The following SPHKAP variants were observed in gnomAD, a reference collection of about 807,000 sequenced individuals.
SPHKAP encodes the protein SPHK1 interactor, AKAP domain containing.
In SPHKAP, 67 loss-of-function variants were observed where a neutral mutation model predicts 137.5. The ratio of observed to expected loss-of-function variants is 0.49; its 90% CI spans 0.40 to 0.60. SPHKAP has a LOEUF of 0.60. Ranked by LOEUF, SPHKAP falls within the 20% of genes least tolerant of loss-of-function variation. SPHKAP has a pLI of 0.00. For missense variants in SPHKAP, 2,097 were observed against 2,069.3 expected (o/e 1.01, Z -0.26); for synonymous variants, 813 against 785.3 (o/e 1.04, Z -0.59).
chr2:228,139,614 T>C (rs923224269), intron 1 of SPHKAP, among the ~76,000 whole-genome samples: 1 of 152,176 alleles, frequency 6.6e-6, no homozygotes, highest in African/African-American at 2.4e-5. Flanking sequence ...ATCTCAGGCT[T>C]TCCCAAGACC....
chr2:227,991,048 C>A lies in SPHKAP; in HGVS notation c.4911G>T (p.Gly1637=), dbSNP rs777884499. ...ATTTCTTAAAGTAGATGGTGGGAAT[C>A]CCCAGTTCAGAGGCAGCTATCCACT... ...TLQWIAASEL[G]IPTIYFKKSQ... is the part of the protein sequence containing the mutation. The change falls in exon 11 of 12, where the codon GGG becomes GGT. Residue 1637 remains glycine, a synonymous_variant. Coordinates refer to ENST00000392056, the MANE Select transcript of SPHKAP (RefSeq NM_001142644.2). The A allele has an allele frequency of 1.8e-5, 29 of 1,614,000 alleles. No individual in the cohort carries two copies. The South Asian group carries it at 3.0e-4, about 16-fold the overall frequency.
chr2:228,005,581 A>G (rs918553600), intron 7 of SPHKAP, among the ~76,000 whole-genome samples: 5 of 152,098 alleles, frequency 3.3e-5, no homozygotes, highest in East Asian at 3.9e-4. Context: ...TGGGATTTTG[A>G]TCATGTCTTT....
At chr2:228,082,192 A>G (rs1250913694) in intron 3 of SPHKAP, among the ~76,000 whole-genome samples, 1 of 152,170 alleles carries the variant, frequency 6.6e-6, no homozygotes, top group Non-Finnish European at 1.5e-5. Flanking sequence ...TGAAATCATA[A>G]GATTTCATTT....
At chr2:228,079,411 G>T (rs758498036) in intron 3 of SPHKAP, among the ~76,000 whole-genome samples, 1 of 152,084 alleles carries the variant, frequency 6.6e-6, no homozygotes, top group African/African-American at 2.4e-5. Context: ...CTAGGCTGGC[G>T]CCTATGGCCC....
chr2:228,082,989 ACT>A (rs1697411800), intron 3 of SPHKAP, among the ~76,000 whole-genome samples: 1 of 152,072 alleles, frequency 6.6e-6, no homozygotes, highest in African/African-American at 2.4e-5. Context: ...CTCTGTGTTC[ACT>A]CTGCCTCTGT....
At position 227,980,741 on chromosome 2, in the gene SPHKAP, A is replaced by G. The variant is rs1261326085; in HGVS notation, c.*976T>C. 6.6e-6 allele frequency: 1 copy of G among 152,126 alleles called. No individual in the cohort carries two copies. The highest frequency in any genetic ancestry group is 1.5e-5 in the Non-Finnish European group (1 of 67,986). 9.4% of individuals were successfully genotyped at this position (152,126 alleles called of 1,614,324 possible). A position where few individuals can be genotyped will look rare whatever the true frequency, so the allele number is the denominator to read the frequency against. ...GCGGCATGTCTGCTGTACAGGTAGC[A>G]GCACATACGTGATGAAACAGGCCAC... On this transcript the variant is annotated 3_prime_UTR_variant, in exon 12 of 12. Coordinates refer to ENST00000392056, the MANE Select transcript of SPHKAP (RefSeq NM_001142644.2).
intron 1 of SPHKAP, among the ~76,000 whole-genome samples, chr2:228,179,506 T>G (rs994875502): frequency 2.0e-5 from 3 of 152,196 alleles, no homozygotes; most frequent in African/African-American, 4.8e-5. Context: ...AATCAACTCA[T>G]GTACAGGAGT....
At chr2:228,030,457 G>C (rs1695245675) in intron 3 of SPHKAP, among the ~76,000 whole-genome samples, 1 of 130,290 alleles carries the variant, frequency 7.7e-6, no homozygotes, top group African/African-American at 3.0e-5. Context: ...GAGGTTGCAA[G>C]TGAGCCAAGA....
At chr2:228,027,441 T>G in intron 4 of SPHKAP, 43 bp downstream of exon 4, 1 of 1,594,296 alleles carries the variant, frequency 6.3e-7, no homozygotes, top group Non-Finnish European at 8.6e-7. Flanking sequence ...AGTTGAATAG[T>G]CCTTGTAATG....
At chr2:228,022,069 G>C in intron 5 of SPHKAP, 103 bp from the exon 6 acceptor site, 1 of 1,370,902 alleles carries the variant, frequency 7.3e-7, no homozygotes, top group Non-Finnish European at 9.5e-7. Flanking sequence ...AATAGGAGTG[G>C]GGACCTTTAA....
At chr2:228,058,329 G>T (rs4438469) in intron 3 of SPHKAP, among the ~76,000 whole-genome samples, 101,927 of 152,088 alleles carry the variant, frequency 0.67, 34,474 homozygotes, top group African/African-American at 0.78. Context: ...TAGGTTACAT[G>T]TAGTATTTTT....
intron 3 of SPHKAP, among the ~76,000 whole-genome samples, chr2:228,057,451 A>G (rs1422757266): frequency 6.6e-6 from 1 of 152,182 alleles, no homozygotes; most frequent in Admixed American, 6.5e-5. Flanking sequence ...CTGAATGCCT[A>G]TGAGAGCAAT....
rs368466253 is a variant in SPHKAP, at chr2:228,030,543, C to A, written c.247-3000G>T. 8.8e-3 allele frequency among the ~76,000 whole-genome samples: 683 copies of A among 77,310 alleles called. 2 individuals are homozygous for A. Among genetic ancestry groups the A allele is most frequent in the Middle Eastern group, 0.02 (2 of 100 alleles). The allele number at this position is 77,310 out of a possible 152,430, so 50.7% of individuals were successfully genotyped here. ...AAAAAAAAAAAAAAACAACAAAAAA[C>A]AAAAAAAAAAAAATAAAAAAATTAA... On this transcript the variant is annotated intron_variant, in intron 3 of 11. Transcript: ENST00000392056.
chr2:227,999,871 A>G (rs1416065260), intron 7 of SPHKAP, among the ~76,000 whole-genome samples: 1 of 152,246 alleles, frequency 6.6e-6, no homozygotes, highest in African/African-American at 2.4e-5. Flanking sequence ...ACAGAGATTC[A>G]GAAGACTATG....
At chr2:228,132,495 A>G in intron 1 of SPHKAP, 1 of 785,590 alleles carries the variant, frequency 1.3e-6, no homozygotes, top group Non-Finnish European at 1.5e-6. Context: ...TGGAGGTAAA[A>G]TATAATTTTA....
intron 1 of SPHKAP, among the ~76,000 whole-genome samples, chr2:228,154,217 T>C (rs1381306472): frequency 6.6e-6 from 1 of 151,950 alleles, no homozygotes; most frequent in African/African-American, 2.4e-5. Context: ...TCCTAAACTG[T>C]AATGTTTAAA....
intron 3 of SPHKAP, among the ~76,000 whole-genome samples, chr2:228,072,826 C>T (rs991943958): frequency 2.0e-5 from 3 of 152,200 alleles, no homozygotes; most frequent in East Asian, 1.9e-4. Flanking sequence ...AGGTGTCAGA[C>T]ATGTGAACGA....
At chr2:228,040,924 G>C (rs140938325) in intron 3 of SPHKAP, among the ~76,000 whole-genome samples, 147 of 152,192 alleles carry the variant, frequency 9.7e-4, no homozygotes, top group African/African-American at 3.3e-3. Flanking sequence ...ACTGCTAGTA[G>C]CAAGTGTTTC....
intron 7 of SPHKAP, among the ~76,000 whole-genome samples, chr2:228,007,831 A>G (rs1694200206): frequency 6.6e-6 from 1 of 152,120 alleles, no homozygotes; most frequent in Non-Finnish European, 1.5e-5. Flanking sequence ...TCATCAATAA[A>G]TGGTGTAGGA....
Sources: allele counts gnomAD v4.1 joint callset (sites outside exome capture counted in the v4.1 genomes callset), GRCh38; gene constraint gnomAD v4.1.1; transcripts MANE v1.5; gene names NCBI Gene and HGNC (gene_info 2026-07-23, HGNC 2026-07-21).